The following RUNX2 variants were observed in gnomAD, a reference collection of about 807,000 sequenced individuals.
The protein encoded by RUNX2 is runt-related transcription factor 2.
A neutral mutation model predicts 51.7 loss-of-function variants in RUNX2; 10 were observed. The ratio of observed to expected loss-of-function variants is 0.19; its 90% CI spans 0.12 to 0.33. The LOEUF (loss-of-function observed/expected upper bound fraction) is 0.33, where lower values mean the gene tolerates loss of function less well. Ranked by LOEUF, RUNX2 falls within the 10% of genes least tolerant of loss-of-function variation. RUNX2 has a pLI of 1.00. For missense variants in RUNX2, 562 were observed against 691.3 expected, an observed-to-expected ratio of 0.81 and a Z score of 2.10; for synonymous variants, 276 against 273.6, an observed-to-expected ratio of 1.01 and a Z score of -0.09.
chr6:45,444,124 A>G (rs779920963), intron 5 of RUNX2, among the ~76,000 whole-genome samples: 1 of 152,226 alleles, frequency 6.6e-6, no homozygotes, highest in Non-Finnish European at 1.5e-5. Flanking sequence ...TGCTGGGATT[A>G]CAGGCGTGAG....
intron 2 of RUNX2, among the ~76,000 whole-genome samples, chr6:45,350,900 T>C (rs1791869007): frequency 6.6e-6 from 1 of 152,136 alleles, no homozygotes; most frequent in East Asian, 1.9e-4. Context: ...GGAACCAGGC[T>C]GCACAGCAAG....
chr6:45,541,355 G>A (rs1006833171), intron 7 of RUNX2, among the ~76,000 whole-genome samples: 3 of 152,098 alleles, frequency 2.0e-5, no homozygotes, highest in African/African-American at 4.8e-5. Flanking sequence ...CTATTGGAAC[G>A]GAAGTAAAAT....
chr6:45,513,288 C>T lies in RUNX2; in HGVS notation c.1021+881C>T, dbSNP rs150826219. The stretch of plus-strand genomic sequence containing the variant: ...AACATTGTCCCCACTCAATGACGTA[C>T]GTCCACAGAGGCACACACCCCATTG... On this transcript the variant is annotated intron_variant, in intron 7 of 8. Coordinates refer to ENST00000647337, the MANE Select transcript of RUNX2 (RefSeq NM_001024630.4). 2.2e-4 allele frequency among the ~76,000 whole-genome samples: 34 copies of T among 152,268 alleles called. No homozygotes were observed. In the East Asian group the frequency reaches 4.3e-3, roughly 19 times the overall value.
At position 45,493,650 on chromosome 6, in the gene RUNX2, TA is replaced by T. The variant is rs77936464; in HGVS notation, c.859+1546del. Among the ~76,000 whole-genome samples, 248 of 147,830 alleles carry T rather than the reference TA, an allele frequency of 1.7e-3. 1 individual carries two copies. The highest frequency in any genetic ancestry group is 4.9e-3 in the African/African-American group (197 of 40,394). On this transcript the variant is annotated intron_variant, in intron 6 of 8. Transcript: ENST00000647337. ...CATACTTATACCCCCTAAATATATG[TA>T]AAAAAAAAAGTAGTAGACTTTAGAT...
At chr6:45,373,447 T>C (rs577821968) in intron 2 of RUNX2, among the ~76,000 whole-genome samples, 1 of 151,932 alleles carries the variant, frequency 6.6e-6, no homozygotes, top group East Asian at 1.9e-4. Context: ...CCCAAGAAAA[T>C]GTTGGTTCTC....
At chr6:45,544,689 C>T (rs1270986927) in intron 7 of RUNX2, among the ~76,000 whole-genome samples, 1 of 152,146 alleles carries the variant, frequency 6.6e-6, no homozygotes, top group East Asian at 1.9e-4. Flanking sequence ...TACAGAAGTG[C>T]CCTGCCCATC....
intron 2 of RUNX2, among the ~76,000 whole-genome samples, chr6:45,366,325 T>C (rs971766744): frequency 2.6e-5 from 4 of 152,164 alleles, no homozygotes; most frequent in Non-Finnish European, 4.4e-5. Context: ...TGCTAAGACT[T>C]TGGGCAAGTT....
rs376103457 is a variant in RUNX2 at position 45,491,897 on chromosome 6, T to C, written c.686-44T>C. The C allele has an allele frequency of 5.0e-6, 8 of 1,588,124 alleles. No individual in the cohort carries two copies. The African/African-American group carries it at 1.1e-4, about 21-fold the overall frequency. On this transcript the variant is annotated intron_variant, in intron 5 of 8. Coordinates refer to ENST00000647337, the MANE Select transcript of RUNX2 (RefSeq NM_001024630.4). ...ATATCTATTTAGCATGGTCAATTGT[T>C]CAGCTAATTAATATGCTTTTATTTT...
chr6:45,402,821 A>C (rs1797742637), intron 2 of RUNX2, among the ~76,000 whole-genome samples: 1 of 152,144 alleles, frequency 6.6e-6, no homozygotes, highest in Non-Finnish European at 1.5e-5. Flanking sequence ...ACAGTGAGCC[A>C]TTCATCATGC....
intron 5 of RUNX2, among the ~76,000 whole-genome samples, chr6:45,454,620 T>G (rs1007645189): frequency 2.6e-5 from 4 of 152,228 alleles, no homozygotes; most frequent in Admixed American, 2.6e-4. Context: ...CTTTCTAAAT[T>G]GGGACAAATT....
intron 5 of RUNX2, among the ~76,000 whole-genome samples, chr6:45,466,561 C>T (rs1194457199): frequency 6.6e-6 from 1 of 152,180 alleles, no homozygotes; most frequent in Non-Finnish European, 1.5e-5. Flanking sequence ...TCTTTCAGGT[C>T]TCCAAGAAGG....
chr6:45,434,295 C>G (rs797016019), intron 4 of RUNX2, among the ~76,000 whole-genome samples: 1 of 152,138 alleles, frequency 6.6e-6, no homozygotes, highest in Non-Finnish European at 1.5e-5. Flanking sequence ...ACTCTTCCAG[C>G]TTCCTCTTTG....
chr6:45,538,578 G>T (rs1203534551), intron 7 of RUNX2, among the ~76,000 whole-genome samples: 2 of 151,954 alleles, frequency 1.3e-5, no homozygotes, highest in African/African-American at 4.8e-5. Context: ...CCATGTTTTG[G>T]TAGCCATAAG....
chr6:45,473,178 T>C (rs1485738298), intron 5 of RUNX2, among the ~76,000 whole-genome samples: 1 of 152,192 alleles, frequency 6.6e-6, no homozygotes, highest in Non-Finnish European at 1.5e-5. Flanking sequence ...TTTCCTATTC[T>C]CTTGATTATT....
At chr6:45,479,835 A>C (rs910328627) in intron 5 of RUNX2, among the ~76,000 whole-genome samples, 1 of 152,226 alleles carries the variant, frequency 6.6e-6, no homozygotes, top group Non-Finnish European at 1.5e-5. Flanking sequence ...CACTTTAAAA[A>C]AATCTGTTGT....
intron 2 of RUNX2, among the ~76,000 whole-genome samples, chr6:45,369,864 A>T (rs1795767488): frequency 6.6e-6 from 1 of 152,214 alleles, no homozygotes; most frequent in African/African-American, 2.4e-5. Flanking sequence ...GGTGGCATTT[A>T]ATATAAGATC....
chr6:45,348,760 A>G (rs1791442237), intron 2 of RUNX2, among the ~76,000 whole-genome samples: 1 of 152,044 alleles, frequency 6.6e-6, no homozygotes, highest in Non-Finnish European at 1.5e-5. Context: ...GTTAGTGCAC[A>G]TTACCTATTT....
intron 5 of RUNX2, among the ~76,000 whole-genome samples, chr6:45,439,429 C>T (rs1245782438): frequency 6.6e-6 from 1 of 152,180 alleles, no homozygotes; most frequent in Non-Finnish European, 1.5e-5. Context: ...CTTTGCCTGC[C>T]TTTTCTGGAT....
At chr6:45,507,554 T>C (rs1020785270) in intron 6 of RUNX2, among the ~76,000 whole-genome samples, 7 of 152,230 alleles carry the variant, frequency 4.6e-5, no homozygotes, top group East Asian at 1.9e-4. Context: ...GACAGGATTA[T>C]ATTTTCTTGG....
Sources: gnomAD v4.1 joint callset for allele counts (sites outside exome capture counted in the v4.1 genomes callset) on GRCh38, gnomAD v4.1.1 for gene constraint, MANE v1.5 for transcripts, NCBI Gene and HGNC (gene_info 2026-07-23, HGNC 2026-07-21) for gene names.